CAMKMT: variants seen among roughly 807,000 people sequenced by gnomAD.
CAMKMT encodes CaM KMT.
A neutral mutation model predicts 48.0 loss-of-function variants in CAMKMT; 53 were observed. The observed-to-expected ratio is 1.10, with a 90% CI of 0.89 to 1.39. CAMKMT has a LOEUF of 1.39. CAMKMT is among the 40% of genes most tolerant of loss of function. The pLI, the probability that CAMKMT is intolerant of heterozygous loss-of-function variation, is 0.00. For missense variants in CAMKMT, 428 were observed against 402.7 expected (o/e 1.06, Z -0.54); for synonymous variants, 165 against 152.3 (o/e 1.08, Z -0.61).
At chr2:44,641,372 G>C (rs1391291986) in intron 3 of CAMKMT, among the ~76,000 whole-genome samples, 1 of 151,968 alleles carries the variant, frequency 6.6e-6, no homozygotes, top group Non-Finnish European at 1.5e-5. Context: ...CCCTGACTTG[G>C]GCAAACATCC....
chr2:44,697,787 A>G (rs541729833), intron 3 of CAMKMT, among the ~76,000 whole-genome samples: 1 of 152,318 alleles, frequency 6.6e-6, no homozygotes, highest in Admixed American at 6.5e-5. Flanking sequence ...ATAAAAGCAA[A>G]AAATGCTAAT....
intron 10 of CAMKMT, among the ~76,000 whole-genome samples, chr2:44,768,484 G>T (rs1253278076): frequency 2.0e-5 from 3 of 151,894 alleles, no homozygotes; most frequent in Non-Finnish European, 4.4e-5. Flanking sequence ...GTGCTGACCG[G>T]GCTGGCACGT....
At chr2:44,451,484 A>G (rs1667284681) in intron 3 of CAMKMT, among the ~76,000 whole-genome samples, 1 of 151,926 alleles carries the variant, frequency 6.6e-6, no homozygotes, top group African/African-American at 2.4e-5. Flanking sequence ...TTAAGATATA[A>G]TAGTTAGAAT....
chr2:44,644,217 C>G (rs1442763840), intron 3 of CAMKMT, among the ~76,000 whole-genome samples: 3 of 152,144 alleles, frequency 2.0e-5, no homozygotes, highest in African/African-American at 4.8e-5. Context: ...TAGGGTCATC[C>G]TGTATAATTC....
At chr2:44,593,437 G>T (rs1670437706) in intron 3 of CAMKMT, among the ~76,000 whole-genome samples, 1 of 152,092 alleles carries the variant, frequency 6.6e-6, no homozygotes, top group Admixed American at 6.6e-5. Flanking sequence ...CTGATACTCT[G>T]TCCTTTGAAC....
At chr2:44,769,537 C>T (rs1387022603) in intron 10 of CAMKMT, among the ~76,000 whole-genome samples, 1 of 152,152 alleles carries the variant, frequency 6.6e-6, no homozygotes, top group East Asian at 1.9e-4. Context: ...GATAGCAAAT[C>T]GTTTTGTAAG....
chr2:44,440,141 G>A (rs1666557456), intron 3 of CAMKMT, among the ~76,000 whole-genome samples: 1 of 152,222 alleles, frequency 6.6e-6, no homozygotes, highest in Non-Finnish European at 1.5e-5. Context: ...TACTTATACA[G>A]GTCTTATAAA....
chr2:44,409,454 A>T (rs1014862870), intron 3 of CAMKMT, among the ~76,000 whole-genome samples: 11 of 152,096 alleles, frequency 7.2e-5, no homozygotes, highest in Admixed American at 5.9e-4. Flanking sequence ...GAAATTTCAC[A>T]TGAATCTTGG....
At chr2:44,621,157 A>T (rs1014700811) in intron 3 of CAMKMT, among the ~76,000 whole-genome samples, 1 of 148,868 alleles carries the variant, frequency 6.7e-6, no homozygotes, top group Non-Finnish European at 1.5e-5. Flanking sequence ...AGTCCCAGCT[A>T]TTTGGGAGGC....
At chr2:44,424,308 C>T (rs999486641) in intron 3 of CAMKMT, among the ~76,000 whole-genome samples, 2 of 151,928 alleles carry the variant, frequency 1.3e-5, no homozygotes, top group South Asian at 2.1e-4. Context: ...CTGGGAGCAT[C>T]GGTAGACGCT....
At chr2:44,528,123 G>T (rs1666268241) in intron 3 of CAMKMT, among the ~76,000 whole-genome samples, 1 of 152,102 alleles carries the variant, frequency 6.6e-6, no homozygotes, top group African/African-American at 2.4e-5. Context: ...AAAATTCCCA[G>T]TCTCTTCAGC....
intron 3 of CAMKMT, among the ~76,000 whole-genome samples, chr2:44,578,782 C>G (rs964641993): frequency 1.3e-5 from 2 of 152,156 alleles, no homozygotes; most frequent in East Asian, 1.9e-4. Flanking sequence ...CAACAAAAAG[C>G]AATCAAAGGG....
At chr2:44,679,290 C>T (rs1256847619) in intron 3 of CAMKMT, among the ~76,000 whole-genome samples, 1 of 152,188 alleles carries the variant, frequency 6.6e-6, no homozygotes, top group Non-Finnish European at 1.5e-5. Flanking sequence ...TGGCTCAAAA[C>T]TTGACAACTA....
chr2:44,482,718 G>C (rs1056610059), intron 3 of CAMKMT, among the ~76,000 whole-genome samples: 4 of 152,066 alleles, frequency 2.6e-5, no homozygotes, highest in African/African-American at 9.7e-5. Context: ...TCACAGGCCT[G>C]AAACTCTGTA....
intron 3 of CAMKMT, among the ~76,000 whole-genome samples, chr2:44,421,321 G>T (rs1683923391): frequency 6.6e-6 from 1 of 151,986 alleles, no homozygotes. Flanking sequence ...TTACATGTTT[G>T]ATAAGAACAT....
At chr2:44,481,703 A>G (rs1668973043) in intron 3 of CAMKMT, among the ~76,000 whole-genome samples, 2 of 152,094 alleles carry the variant, frequency 1.3e-5, no homozygotes, top group African/African-American at 4.8e-5. Context: ...TAAAGTTGAT[A>G]TTTATGTTTT....
chr2:44,370,716 GC>G, intron 1 of CAMKMT, among the ~76,000 whole-genome samples: 1 of 151,896 alleles, frequency 6.6e-6, no homozygotes, highest in Non-Finnish European at 1.5e-5. Context: ...TTAACTTTTG[GC>G]CTTTCTGTAT....
intron 3 of CAMKMT, among the ~76,000 whole-genome samples, chr2:44,508,233 A>AT (rs1176913092): frequency 6.6e-6 from 1 of 152,196 alleles, no homozygotes; most frequent in Non-Finnish European, 1.5e-5. Context: ...ACAGTGCCTT[A>AT]TTCAGCATCA....
intron 9 of CAMKMT, among the ~76,000 whole-genome samples, chr2:44,756,558 G>A (rs547590100): frequency 1.2e-4 from 18 of 152,012 alleles, no homozygotes; most frequent in African/African-American, 4.1e-4. Flanking sequence ...TGGCTAATAT[G>A]GTGAAACCCC....
Sources: allele counts gnomAD v4.1 joint callset (sites outside exome capture counted in the v4.1 genomes callset), GRCh38; gene constraint gnomAD v4.1.1; transcripts MANE v1.5; gene names NCBI Gene and HGNC (gene_info 2026-07-23, HGNC 2026-07-21).